The following PLEC variants were observed in gnomAD, a reference collection of about 807,000 sequenced individuals.
The protein encoded by PLEC is hemidesmosomal protein 1.
A neutral mutation model predicts 392.8 loss-of-function variants in PLEC; 216 were observed. The ratio of observed to expected loss-of-function variants is 0.55; its 90% confidence interval spans 0.49 to 0.62. PLEC has a LOEUF of 0.62. Among genes scored for constraint, PLEC ranks in the 20% least tolerant of loss-of-function variants. The pLI, the probability that PLEC is intolerant of heterozygous loss-of-function variation, is 0.00. For synonymous variants in PLEC, 3,621 were observed against 2,980.6 expected (o/e 1.21, Z -7.00); for missense variants, 6,863 against 6,563.4 (o/e 1.05, Z -1.58).
chr8:143,934,710 C>T lies in PLEC; in HGVS notation c.966G>A (p.Leu322=), dbSNP rs1480895152. 5 of 1,612,602 alleles carry T rather than the reference C, an allele frequency of 3.1e-6. No individual in the cohort carries two copies. The highest frequency in any genetic ancestry group is 4.2e-6 in the Non-Finnish European group (5 of 1,179,956). ...CTGGTAGCTCCATCTCCTTAAACTT[C>T]AGGAACTGAGACCACAGGATCTGCC... ...EEIEILWSQF[L]KFKEMELPAK... The change falls in exon 10 of 32, where the codon CTG becomes CTA. Residue 322 remains leucine (L), a synonymous_variant. Coordinates refer to ENST00000345136, the MANE Select transcript of PLEC (RefSeq NM_201384.3).
chr8:143,934,242 G>C, intron 11 of PLEC, 76 bp downstream of exon 11: 1 of 1,600,804 alleles, frequency 6.2e-7, no homozygotes, highest in Non-Finnish European at 8.5e-7. Flanking sequence ...CGGGGGCGGG[G>C]CGGGGAGGGG....
intron 1 of PLEC, among the ~76,000 whole-genome samples, chr8:143,949,494 A>G (rs925476300): frequency 6.6e-6 from 1 of 152,130 alleles, no homozygotes; most frequent in East Asian, 1.9e-4. Context: ...CTCTGGGATG[A>G]CAGGACCCGT....
intron 1 of PLEC, among the ~76,000 whole-genome samples, chr8:143,963,795 A>G (rs1554741460): frequency 6.8e-6 from 1 of 146,868 alleles, no homozygotes; most frequent in East Asian, 2.0e-4. Context: ...GCCATGTGCC[A>G]CCACACCTGG....
rs369816870 is a variant in PLEC, at chr8:143,924,115, G to A, written c.5814C>T (p.Ala1938=). 4.4e-5 allele frequency: 70 copies of A among 1,598,594 alleles called. No homozygotes were observed. The highest frequency in any genetic ancestry group is 6.7e-5 in the African/African-American group (5 of 74,938). The change falls in exon 31 of 32, where the codon GCC becomes GCT. Residue 1938 remains alanine (A), a synonymous_variant. Coordinates refer to ENST00000345136, the MANE Select transcript of PLEC (RefSeq NM_201384.3). The stretch of plus-strand genomic sequence containing the variant: ...CCAGCTCCAGCTCCGCCTTGCCAGC[G>A]GCCGCCTTCTCGAAGCTCGCCTTCA... ...LALKASFEKA[A]AGKAELELEL... is the part of the protein sequence containing the mutation.
chr8:143,966,902 G>C (rs1833127454), intron 1 of PLEC, among the ~76,000 whole-genome samples: 1 of 152,138 alleles, frequency 6.6e-6, no homozygotes, highest in Non-Finnish European at 1.5e-5. Context: ...TCAGCCCCAA[G>C]CAAATTCCAC....
At chr8:143,931,835 G>C (rs1452663457) in intron 18 of PLEC, 102 bp downstream of exon 18, 1 of 1,417,614 alleles carries the variant, frequency 7.1e-7, no homozygotes, top group African/African-American at 1.4e-5. Flanking sequence ...AGCTGGCAAC[G>C]TCTGCAGACA....
chr8:143,940,910 G>A (rs1564184598), upstream of PLEC, among the ~76,000 whole-genome samples: 3 of 152,110 alleles, frequency 2.0e-5, no homozygotes, highest in Admixed American at 6.5e-5. Flanking sequence ...CATGGTCTCT[G>A]AGCCTGGCAT....
rs11784163 is a variant in PLEC, at chr8:143,959,824, A to G, written c.70+13579T>C. ...ATCCTGGCTAACACAGTGAAACCCC[A>G]TCTCTACTAAAAATACAAAATATTA... On this transcript the variant is annotated intron_variant, in intron 1 of 31. Coordinates refer to the PLEC transcript ENST00000356346. Among the ~76,000 whole-genome samples the G allele has an allele frequency of 1.1e-3, 171 of 150,988 alleles. 1 individual carries two copies. Among genetic ancestry groups the G allele is most frequent in the Admixed American group, 2.9e-3 (44 of 15,152 alleles).
intron 7 of PLEC, 31 bp downstream of exon 7, chr8:143,935,167 A>AG: frequency 6.2e-7 from 1 of 1,611,310 alleles, no homozygotes; most frequent in East Asian, 2.2e-5. Context: ...CAGCAGGGGA[A>AG]GGGACAGGGA....
chr8:143,962,522 G>T (rs1832915673), intron 1 of PLEC, among the ~76,000 whole-genome samples: 1 of 152,236 alleles, frequency 6.6e-6, no homozygotes, highest in Admixed American at 6.5e-5. Flanking sequence ...TGAAAATGTG[G>T]ATGTGGCTTT....
upstream of PLEC, chr8:143,944,594 T>C (rs1257763965): frequency 1.8e-6 from 2 of 1,142,564 alleles, no homozygotes; most frequent in Non-Finnish European, 2.3e-6. Context: ...CTCTGGCCCC[T>C]GTCCCCAGCA....
In PLEC at chr8:143,934,303, C is replaced by T; in HGVS notation, c.1169+15G>A. ...CCCTCGGGTGGTTCCCCTGCCACCA[C>T]AGGGCCCCACCCACCTCTCAAACTC... On this transcript the variant is annotated intron_variant, in intron 11 of 31. Coordinates refer to ENST00000345136, the MANE Select transcript of PLEC (RefSeq NM_201384.3). 1 of 1,611,428 alleles carries T rather than the reference C, an allele frequency of 6.2e-7. No individual in the cohort carries two copies. Among genetic ancestry groups the T allele is most frequent in the South Asian group, 1.1e-5 (1 of 91,082 alleles).
At chr8:143,936,069 G>A (rs782380906) in intron 5 of PLEC, 55 bp from the exon 6 acceptor site, 5 of 1,592,338 alleles carry the variant, frequency 3.1e-6, no homozygotes, top group Non-Finnish European at 4.3e-6. Flanking sequence ...GGCCTGCTCT[G>A]TGCCCACAGC....
Position 143,930,032 on chromosome 8 carries a change from C to T in PLEC, c.2643G>A (p.Thr881=), listed in dbSNP as rs369973592. 49 of 1,612,018 alleles carry T rather than the reference C, an allele frequency of 3.0e-5. No individual in the cohort carries two copies. The highest frequency in any genetic ancestry group is 1.3e-4 in the African/African-American group (10 of 75,018). The change falls in exon 22 of 32, where the codon ACG becomes ACA. Residue 881 remains threonine, a synonymous_variant. Coordinates refer to ENST00000345136, the MANE Select transcript of PLEC (RefSeq NM_201384.3). ...RLEAQHQALV[T]LWHQLHVDMK... ...TGTCCACGTGCAACTGGTGCCACAG[C>T]GTGACCAGGGCCTGGTGCTGGGCCT...
intron 25 of PLEC, among the ~76,000 whole-genome samples, chr8:143,928,599 C>T (rs1342192603): frequency 2.9e-5 from 3 of 103,702 alleles, no homozygotes; most frequent in African/African-American, 2.6e-4. Flanking sequence ...AGCGGGTGGA[C>T]CTGTGGTTTG....
chr8:143,961,252 G>A (rs1273104198), intron 1 of PLEC, among the ~76,000 whole-genome samples: 9 of 149,950 alleles, frequency 6.0e-5, no homozygotes, highest in Non-Finnish European at 1.0e-4. Flanking sequence ...TTGAGACAGA[G>A]TCTTGCCCTG....
chr8:143,958,571 G>T (rs777767386), upstream of PLEC: 1 of 409,218 alleles, frequency 2.4e-6, no homozygotes, highest in Non-Finnish European at 5.1e-6. The surrounding 1 kb of genome is among the most constrained non-coding windows in gnomAD (Gnocchi z 4.9). Flanking sequence ...AAAGACAGTG[G>T]TAGCCTCCCT....
rs1336456068 is a variant in PLEC at position 143,915,582 on chromosome 8, G to A, written c.*595C>T. ...AGGCCGACATGGAAGGCACTTACTA[G>A]GGGAACAGAGGCTGGAGGCTGACGC... On this transcript the variant is annotated 3_prime_UTR_variant, in exon 32 of 32. Transcript: ENST00000345136. The A allele has an allele frequency of 6.5e-6, 1 of 152,688 alleles. No homozygotes were observed. Among genetic ancestry groups the A allele is most frequent in the Non-Finnish European group, 1.5e-5 (1 of 68,292 alleles). The allele number at this position is 152,688 out of a possible 1,614,324, so 9.5% of individuals were successfully genotyped here.
Position 143,920,441 on chromosome 8 carries a change from CG to C in PLEC, c.9379del (p.Arg3127GlyfsTer78). On this transcript the variant is annotated frameshift_variant, in exon 32 of 32. Coordinates refer to ENST00000345136, the MANE Select transcript of PLEC (RefSeq NM_201384.3). LOFTEE classifies it high-confidence loss of function. ...FQALKKGLIP[R>X]EQGLRLLDAQ... ...GTCCAACAGGCGCAGGCCCTGCTCCCGGGGAATGAGGCCCTTCTTCAGGGCC... is the reference window on the plus strand; with the variant it reads ...GTCCAACAGGCGCAGGCCCTGCTCCCGGGAATGAGGCCCTTCTTCAGGGCC... 1 of 1,599,364 alleles carries C rather than the reference CG, an allele frequency of 6.3e-7. No individual in the cohort carries two copies.
Sources: gnomAD v4.1 joint callset for allele counts (sites outside exome capture counted in the v4.1 genomes callset) on GRCh38, gnomAD v4.1.1 for gene constraint, Gnocchi (gnomAD v3.1) non-coding constraint, MANE v1.5 for transcripts, NCBI Gene and HGNC (gene_info 2026-07-23, HGNC 2026-07-21) for gene names.